PTPRD: variants seen among roughly 807,000 people sequenced by gnomAD.
PTPRD encodes protein tyrosine phosphatase receptor type D.
A neutral mutation model predicts 214.5 loss-of-function variants in PTPRD; 34 were observed. The observed-to-expected ratio is 0.16, with a 90% CI of 0.12 to 0.21. PTPRD has a LOEUF of 0.21. Among genes scored for constraint, PTPRD ranks in the 10% least tolerant of loss-of-function variants. PTPRD has a pLI of 1.00. For synonymous variants in PTPRD, 1,128 were observed against 845.7 expected (o/e 1.33, Z -5.79); for missense variants, 2,545 against 2,398.7 (o/e 1.06, Z -1.27).
chr9:8,634,925 T>A (rs1366109910), intron 13 of PTPRD, among the ~76,000 whole-genome samples: 1 of 151,506 alleles, frequency 6.6e-6, no homozygotes, highest in African/African-American at 2.4e-5. Flanking sequence ...CAGTATTGAT[T>A]TCATGCCTGC....
At chr9:8,972,608 T>A (rs756561628) in intron 11 of PTPRD, among the ~76,000 whole-genome samples, 1 of 151,948 alleles carries the variant, frequency 6.6e-6, no homozygotes, top group African/African-American at 2.4e-5. Flanking sequence ...TGTTAGTCAA[T>A]AACCTTGATA....
At chr9:9,865,492 A>G (rs1273222929) in intron 5 of PTPRD, among the ~76,000 whole-genome samples, 1 of 152,158 alleles carries the variant, frequency 6.6e-6, no homozygotes, top group Non-Finnish European at 1.5e-5. Context: ...ACCTAGGGAC[A>G]CCACAGTGTC....
chr9:8,669,864 T>C (rs183609058), intron 12 of PTPRD, among the ~76,000 whole-genome samples: 233 of 152,276 alleles, frequency 1.5e-3, no homozygotes, highest in Non-Finnish European at 2.6e-3. Context: ...TGAGCAGTAC[T>C]GTAGGAAGGA....
chr9:9,379,717 G>A (rs1187767797), intron 9 of PTPRD, among the ~76,000 whole-genome samples: 1 of 151,856 alleles, frequency 6.6e-6, no homozygotes, highest in Non-Finnish European at 1.5e-5. Flanking sequence ...TTTTGTTATA[G>A]TTTTGTAGTT....
intron 6 of PTPRD, among the ~76,000 whole-genome samples, chr9:9,737,752 G>A (rs1010203484): frequency 6.6e-6 from 1 of 152,068 alleles, no homozygotes; most frequent in Admixed American, 6.5e-5. Flanking sequence ...AGGACATTTA[G>A]GTTTTCATTT....
chr9:9,622,461 G>A (rs1027688279), intron 7 of PTPRD, among the ~76,000 whole-genome samples: 6 of 151,970 alleles, frequency 3.9e-5, no homozygotes, highest in Non-Finnish European at 8.8e-5. Context: ...TTTACGTATT[G>A]TACAAATAAA....
intron 2 of PTPRD, among the ~76,000 whole-genome samples, chr9:10,411,759 G>C (rs1468186486): frequency 6.6e-6 from 1 of 151,528 alleles, no homozygotes; most frequent in African/African-American, 2.4e-5. Context: ...ATAATCATTA[G>C]TAATTGCAGT....
chr9:10,061,198 T>C (rs2097772844), intron 3 of PTPRD, among the ~76,000 whole-genome samples: 1 of 151,772 alleles, frequency 6.6e-6, no homozygotes. Context: ...TATGTAACAA[T>C]GAAAATGCAT....
At chr9:8,661,547 TA>T (rs1203786494) in intron 12 of PTPRD, among the ~76,000 whole-genome samples, 3 of 152,294 alleles carry the variant, frequency 2.0e-5, no homozygotes, top group South Asian at 2.1e-4. Flanking sequence ...TTTAAAAGTT[TA>T]ACACAGGTAA....
intron 11 of PTPRD, among the ~76,000 whole-genome samples, chr9:8,797,940 A>G (rs972036863): frequency 6.6e-6 from 1 of 151,298 alleles, no homozygotes; most frequent in African/African-American, 2.4e-5. Context: ...CAAAGATCAT[A>G]GCTCTCTGCA....
intron 11 of PTPRD, among the ~76,000 whole-genome samples, chr9:8,962,592 T>A (rs1166023721): frequency 6.6e-6 from 1 of 152,048 alleles, no homozygotes; most frequent in Non-Finnish European, 1.5e-5. Flanking sequence ...AAGCTTTGTA[T>A]CAAGGGTGTC....
chr9:9,795,185 T>G (rs10816182), intron 5 of PTPRD, among the ~76,000 whole-genome samples: 7,768 of 152,308 alleles, frequency 0.051, 535 homozygotes, highest in East Asian at 0.29. Context: ...CTTTTGCTCC[T>G]GTCCTATGGT....
At chr9:8,523,707 C>G (rs2139090234) in intron 18 of PTPRD, among the ~76,000 whole-genome samples, 183 bp from the exon 19 acceptor site, 1 of 152,262 alleles carries the variant, frequency 6.6e-6, no homozygotes, top group Middle Eastern at 3.4e-3. Flanking sequence ...CACAGACTAA[C>G]ATGGTATTAG....
At chr9:10,141,394 T>A (rs1191335032) in intron 3 of PTPRD, among the ~76,000 whole-genome samples, 1 of 152,128 alleles carries the variant, frequency 6.6e-6, no homozygotes, top group Non-Finnish European at 1.5e-5. Flanking sequence ...ATAAGCAACT[T>A]CAGCAAAGTC....
At chr9:10,609,545 T>C (rs752490232) in intron 2 of PTPRD, among the ~76,000 whole-genome samples, 6 of 152,136 alleles carry the variant, frequency 3.9e-5, no homozygotes, top group Non-Finnish European at 5.9e-5. Context: ...TTCTTGGATA[T>C]AACTAGCAAT....
chr9:9,760,211 A>G (rs1351469698), intron 6 of PTPRD, among the ~76,000 whole-genome samples: 1 of 152,152 alleles, frequency 6.6e-6, no homozygotes, highest in East Asian at 1.9e-4. Context: ...CCACATATCA[A>G]AAATACATCT....
chr9:10,447,654 G>A (rs2098809006), intron 2 of PTPRD, among the ~76,000 whole-genome samples: 1 of 151,860 alleles, frequency 6.6e-6, no homozygotes, highest in Non-Finnish European at 1.5e-5. Context: ...CAGGAATACA[G>A]AAAGAAAAAT....
intron 9 of PTPRD, among the ~76,000 whole-genome samples, chr9:9,397,190 T>A (rs1452557794): frequency 2.0e-5 from 3 of 152,120 alleles, no homozygotes; most frequent in South Asian, 4.1e-4. Flanking sequence ...CTTTTCTAGT[T>A]GATTGAGAGA....
chr9:8,644,068 A>G (rs980309039), intron 12 of PTPRD, among the ~76,000 whole-genome samples: 1 of 152,294 alleles, frequency 6.6e-6, no homozygotes, highest in Non-Finnish European at 1.5e-5. Context: ...TTCCAGGCTC[A>G]GCCAAAGCAA....
Sources: gnomAD v4.1 joint callset for allele counts (sites outside exome capture counted in the v4.1 genomes callset) on GRCh38, gnomAD v4.1.1 for gene constraint, MANE v1.5 for transcripts, NCBI Gene and HGNC (gene_info 2026-07-23, HGNC 2026-07-21) for gene names.